TULP4: variants seen among roughly 807,000 people sequenced by gnomAD.
TULP4 encodes the protein TUB like protein 4, also known as tubby-related protein 4.
A neutral mutation model predicts 129.0 loss-of-function variants in TULP4; 16 were observed. The ratio of observed to expected loss-of-function variants is 0.12; its 90% CI spans 0.08 to 0.19. TULP4 has a LOEUF of 0.19. Ranked by LOEUF, TULP4 falls within the 10% of genes least tolerant of loss-of-function variation. The pLI is 1.00. For missense variants in TULP4, 1,842 were observed against 2,059.1 expected (o/e 0.89, Z 2.04); for synonymous variants, 998 against 854.0 (o/e 1.17, Z -2.94).
At chr6:158,291,228 A>T (rs1778934684) in intron 1 of TULP4, among the ~76,000 whole-genome samples, 2 of 152,282 alleles carry the variant, frequency 1.3e-5, no homozygotes, top group Middle Eastern at 3.4e-3. Flanking sequence ...TTTAGATGTT[A>T]TATTGCGAGG....
chr6:158,482,082 G>T (rs112276852), intron 8 of TULP4, among the ~76,000 whole-genome samples: 202 of 152,294 alleles, frequency 1.3e-3, no homozygotes, highest in African/African-American at 4.6e-3. Flanking sequence ...GAATCCTGTG[G>T]GCCTGGGGGG....
intron 1 of TULP4, among the ~76,000 whole-genome samples, chr6:158,271,009 G>C (rs543122033): frequency 1.3e-4 from 20 of 152,054 alleles, no homozygotes; most frequent in African/African-American, 4.6e-4. Flanking sequence ...AATTACCCAG[G>C]CATGGTGGCA....
Position 158,313,785 on chromosome 6 carries a change from TAC to T in TULP4, c.-231_-230del. On this transcript the variant is annotated 5_prime_UTR_variant, in exon 1 of 14. Transcript: ENST00000367097. ...ATGGACCCCATGTTTTTTTAAGCATTACCTTTTCTTAGAAGACTGCCATCATC... is the reference window on the plus strand; with the variant it reads ...ATGGACCCCATGTTTTTTTAAGCATTCTTTTCTTAGAAGACTGCCATCATC... 2 of 531,456 alleles carry T rather than the reference TAC, an allele frequency of 3.8e-6. No homozygotes were observed. Among genetic ancestry groups the T allele is most frequent in the East Asian group, 6.0e-5 (2 of 33,378 alleles). 32.9% of individuals were successfully genotyped at this position (531,456 alleles called of 1,614,324 possible).
chr6:158,415,681 A>C (rs341154), intron 2 of TULP4, among the ~76,000 whole-genome samples: 36,353 of 151,406 alleles, frequency 0.24, 5,653 homozygotes, highest in Non-Finnish European at 0.34. Context: ...TTAAAAAAAA[A>C]AAAAAAAGTT....
chr6:158,454,195 T>C (rs566197943), intron 5 of TULP4, among the ~76,000 whole-genome samples: 3 of 152,304 alleles, frequency 2.0e-5, no homozygotes, highest in African/African-American at 7.2e-5. Flanking sequence ...TTATCACACA[T>C]AGGCCCTGGT....
intron 1 of TULP4, among the ~76,000 whole-genome samples, chr6:158,344,543 G>A (rs1780258846): frequency 6.6e-6 from 1 of 152,086 alleles, no homozygotes; most frequent in South Asian, 2.1e-4. Flanking sequence ...ATCTTTTATG[G>A]TGATCAGTAC....
At chr6:158,434,697 A>C (rs575097021) in intron 3 of TULP4, among the ~76,000 whole-genome samples, 1 of 152,202 alleles carries the variant, frequency 6.6e-6, no homozygotes, top group Non-Finnish European at 1.5e-5. Flanking sequence ...CAACTAGAGA[A>C]TGCAATGAGA....
At chr6:158,419,179 C>T (rs1778280661) in intron 2 of TULP4, among the ~76,000 whole-genome samples, 1 of 152,198 alleles carries the variant, frequency 6.6e-6, no homozygotes, top group East Asian at 1.9e-4. Flanking sequence ...CAAGAGCTAT[C>T]TCACAAACCA....
At chr6:158,412,528 G>A (rs975208572) in intron 1 of TULP4, among the ~76,000 whole-genome samples, 10 of 109,872 alleles carry the variant, frequency 9.1e-5, no homozygotes, top group South Asian at 3.5e-4. Flanking sequence ...GTGATAAATC[G>A]TAAACAACTT....
At position 158,502,282 on chromosome 6, in the gene TULP4, C is replaced by T; in HGVS notation, c.2619C>T (p.Tyr873=). ...TGAAGAAGGGCGACTTCTCCCTCTA[C>T]CCCACGTCAGTGCACTACCAGACCC... is the stretch of plus-strand genomic sequence containing the variant. ...VCLKKGDFSL[Y]PTSVHYQTPL... is the part of the protein sequence containing the mutation. Residue 873 remains tyrosine, a synonymous_variant, in exon 13 of 14, where the codon TAC becomes TAT. Transcript: ENST00000367097. The T allele has an allele frequency of 1.2e-6, 2 of 1,608,422 alleles. No homozygotes were observed. The highest frequency in any genetic ancestry group is 1.7e-6 in the Non-Finnish European group (2 of 1,177,220).
chr6:158,322,653 G>A (rs1262849216), intron 1 of TULP4, among the ~76,000 whole-genome samples: 6 of 152,096 alleles, frequency 3.9e-5, no homozygotes, highest in African/African-American at 1.4e-4. Context: ...AGTGTTTGTT[G>A]ATTTTTGTTC....
At chr6:158,487,182 G>C (rs370825718) in intron 8 of TULP4, among the ~76,000 whole-genome samples, 1 of 151,414 alleles carries the variant, frequency 6.6e-6, no homozygotes. Flanking sequence ...GGAGGCTGAG[G>C]CAGGAGATGG....
chr6:158,403,465 G>A (rs1157010169), intron 1 of TULP4, among the ~76,000 whole-genome samples: 4 of 152,112 alleles, frequency 2.6e-5, no homozygotes, highest in Non-Finnish European at 2.9e-5. Flanking sequence ...TTAGCGTCCC[G>A]AGTAGCTGGG....
At chr6:158,362,079 A>G (rs1021454136) in intron 1 of TULP4, among the ~76,000 whole-genome samples, 2 of 152,236 alleles carry the variant, frequency 1.3e-5, no homozygotes, top group African/African-American at 4.8e-5. Context: ...TACCCATAGC[A>G]TCATTGAACT....
At chr6:158,451,959 G>T (rs1354893997) in intron 4 of TULP4, among the ~76,000 whole-genome samples, 175 bp from the exon 5 acceptor site, 1 of 152,150 alleles carries the variant, frequency 6.6e-6, no homozygotes, top group Non-Finnish European at 1.5e-5. Flanking sequence ...CCCACTGATG[G>T]CCCTTGTGTA....
At chr6:158,464,933 T>C (rs533555301) in intron 6 of TULP4, among the ~76,000 whole-genome samples, 172 of 152,386 alleles carry the variant, frequency 1.1e-3, no homozygotes, top group African/African-American at 3.6e-3. Flanking sequence ...GGTTTTGCCA[T>C]TTCAAAATAT....
intron 5 of TULP4, among the ~76,000 whole-genome samples, chr6:158,460,568 T>C (rs1779400307): frequency 6.6e-6 from 1 of 152,242 alleles, no homozygotes; most frequent in African/African-American, 2.4e-5. Context: ...CCATTTCTTA[T>C]AGGCACTGAG....
chr6:158,502,593 G>A lies in TULP4; in HGVS notation c.2930G>A (p.Arg977Lys). ...GCCCAGGGGCGGGGGGCTGCCCAGAGGTCCGACAATAGCCTCATCCACGCT... is the reference window on the plus strand; with the variant it reads ...GCCCAGGGGCGGGGGGCTGCCCAGAAGTCCGACAATAGCCTCATCCACGCT... ...QLAQGRGAAQ[R>K]SDNSLIHATL... The change falls in exon 13 of 14, where the codon AGG becomes AAG. Residue 977 changes from arginine (R) to lysine (K), a missense_variant. This residue lies in a region of TULP4 where 1,089 missense variants were observed against 987.1 expected (regional missense o/e 1.10). Coordinates refer to ENST00000367097, the MANE Select transcript of TULP4 (RefSeq NM_020245.5). The A allele has an allele frequency of 3.1e-6, 5 of 1,601,880 alleles. No individual in the cohort carries two copies. Among genetic ancestry groups the A allele is most frequent in the Non-Finnish European group, 3.4e-6 (4 of 1,179,792 alleles).
At chr6:158,317,393 A>T (rs549308669) in intron 1 of TULP4, among the ~76,000 whole-genome samples, 110 of 126,312 alleles carry the variant, frequency 8.7e-4, no homozygotes, top group African/African-American at 3.2e-3. Context: ...TTCAGTTCCC[A>T]CCTATGAGTG....
Sources: gnomAD v4.1 joint callset for allele counts (sites outside exome capture counted in the v4.1 genomes callset) on GRCh38, gnomAD v4.1.1 for gene constraint, gnomAD v4.1.1 regional missense constraint, MANE v1.5 for transcripts, NCBI Gene and HGNC (gene_info 2026-07-23, HGNC 2026-07-21) for gene names.